ZFHX3: variants seen among roughly 807,000 people sequenced by gnomAD.
ZFHX3 encodes the protein zinc finger homeobox 3.
ZFHX3 carries 42 observed loss-of-function variants against 279.1 expected under a neutral mutation model. That is an observed-to-expected ratio of 0.15 (90% CI 0.12 to 0.19). The LOEUF is 0.19. Among genes scored for constraint, ZFHX3 ranks in the 10% least tolerant of loss-of-function variants. The pLI is 1.00. For synonymous variants in ZFHX3, 2,293 were observed against 1,957.8 expected, an observed-to-expected ratio of 1.17 and a Z score of -4.52; for missense variants, 4,981 against 4,754.0, an observed-to-expected ratio of 1.05 and a Z score of -1.40.
chr16:73,243,927 G>C (rs962513905), intron 5 of ZFHX3, among the ~76,000 whole-genome samples: 1 of 152,234 alleles, frequency 6.6e-6, no homozygotes, highest in Non-Finnish European at 1.5e-5. Context: ...TGGAGGTTCA[G>C]AGATGGTAGA....
chr16:73,725,574 G>A (rs2053512192), intron 1 of ZFHX3, among the ~76,000 whole-genome samples: 2 of 150,098 alleles, frequency 1.3e-5, no homozygotes, highest in South Asian at 2.1e-4. Context: ...TGTGTAGGCT[G>A]AGGGAGGAAT....
At chr16:73,042,032 A>T (rs928690861) in intron 1 of ZFHX3, among the ~76,000 whole-genome samples, 15 of 152,258 alleles carry the variant, frequency 9.9e-5, no homozygotes, top group African/African-American at 3.6e-4. Context: ...CATCAGAAAT[A>T]GGCCACTCAG....
intron 2 of ZFHX3, among the ~76,000 whole-genome samples, chr16:73,565,767 A>G (rs905160773): frequency 3.3e-5 from 5 of 152,106 alleles, no homozygotes; most frequent in Admixed American, 6.6e-5. Flanking sequence ...AGAATTCTCA[A>G]TAGGGCTTCC....
chr16:73,329,614 G>A (rs905590054), intron 3 of ZFHX3, among the ~76,000 whole-genome samples: 7 of 152,176 alleles, frequency 4.6e-5, no homozygotes, highest in African/African-American at 1.7e-4. Flanking sequence ...GTAATTGGTG[G>A]TGCATAAGCA....
At chr16:73,362,444 C>A (rs938484918) in intron 3 of ZFHX3, among the ~76,000 whole-genome samples, 1 of 152,172 alleles carries the variant, frequency 6.6e-6, no homozygotes, top group African/African-American at 2.4e-5. Context: ...CACCTTGGCA[C>A]CAGCTCACGG....
At chr16:73,715,308 G>T (rs1320317929) in intron 1 of ZFHX3, among the ~76,000 whole-genome samples, 1 of 152,118 alleles carries the variant, frequency 6.6e-6, no homozygotes, top group Non-Finnish European at 1.5e-5. Flanking sequence ...AATCAAGCAT[G>T]CTGGCATAGT....
At chr16:73,431,277 C>T (rs1030158896) in intron 3 of ZFHX3, among the ~76,000 whole-genome samples, 4 of 151,782 alleles carry the variant, frequency 2.6e-5, no homozygotes, top group Admixed American at 6.6e-5. Flanking sequence ...CGGTGGCTCA[C>T]GCCTGTAATC....
chr16:73,755,960 G>T (rs1281657107), intron 1 of ZFHX3, among the ~76,000 whole-genome samples: 1 of 152,164 alleles, frequency 6.6e-6, no homozygotes, highest in African/African-American at 2.4e-5. Flanking sequence ...GGTCCTGATA[G>T]CACATGCCAA....
At chr16:73,422,676 A>G (rs898368944) in intron 3 of ZFHX3, among the ~76,000 whole-genome samples, 12 of 152,100 alleles carry the variant, frequency 7.9e-5, no homozygotes, top group Non-Finnish European at 1.8e-4. Context: ...TTCCTCTCAA[A>G]TACTCATGTG....
intron 5 of ZFHX3, among the ~76,000 whole-genome samples, chr16:73,207,675 G>A (rs2011860070): frequency 6.6e-6 from 1 of 152,142 alleles, no homozygotes; most frequent in Non-Finnish European, 1.5e-5. Flanking sequence ...TTTGACATCA[G>A]TAAAAATCAG....
chr16:73,085,985 C>CAAAAA (rs57128744), intron 8 of ZFHX3, among the ~76,000 whole-genome samples: 171 of 53,346 alleles, frequency 3.2e-3, no homozygotes, highest in Middle Eastern at 0.011. Flanking sequence ...AACTCAATTG[C>CAAAAA]AAAAAAAAAA....
intron 1 of ZFHX3, among the ~76,000 whole-genome samples, chr16:72,996,921 T>C (rs1434028816): frequency 6.6e-6 from 1 of 152,186 alleles, no homozygotes; most frequent in Admixed American, 6.5e-5. Flanking sequence ...ACAACTGGTA[T>C]GGTCAACCCT....
chr16:73,499,038 A>C (rs948862100), intron 2 of ZFHX3, among the ~76,000 whole-genome samples: 7 of 152,216 alleles, frequency 4.6e-5, no homozygotes, highest in African/African-American at 1.4e-4. Context: ...GGTTGGACTC[A>C]TGGGCAAAAC....
intron 8 of ZFHX3, among the ~76,000 whole-genome samples, chr16:73,066,870 TC>T (rs1339964829): frequency 6.6e-6 from 1 of 151,940 alleles, no homozygotes; most frequent in African/African-American, 2.4e-5. Context: ...TGCGCCCTCC[TC>T]CCCCCAGCCC....
At chr16:72,811,175 G>T (rs926761008) in intron 7 of ZFHX3, among the ~76,000 whole-genome samples, 2 of 152,208 alleles carry the variant, frequency 1.3e-5, no homozygotes, top group African/African-American at 4.8e-5. Flanking sequence ...GTGAGCTAGT[G>T]TGCCTGGCTC....
chr16:72,800,690 AAAC>A (rs1456553286), intron 7 of ZFHX3, among the ~76,000 whole-genome samples: 1 of 152,188 alleles, frequency 6.6e-6, no homozygotes, highest in African/African-American at 2.4e-5. Context: ...TTTTCCAGGA[AAAC>A]AACATTTGTA....
At chr16:72,814,329 T>C (rs1360672756) in intron 5 of ZFHX3, among the ~76,000 whole-genome samples, 1 of 152,166 alleles carries the variant, frequency 6.6e-6, no homozygotes, top group Non-Finnish European at 1.5e-5. Flanking sequence ...GTAAATGCCC[T>C]CAATCTGCCT....
At chr16:73,015,424 C>CG (rs1567633716) in intron 1 of ZFHX3, 2 of 152,126 alleles carry the variant, frequency 1.3e-5, no homozygotes, top group Non-Finnish European at 2.9e-5. Flanking sequence ...CCTGGCCTAC[C>CG]GCATTTGAGA....
chr16:73,800,991 G>C (rs1329337776), intron 1 of ZFHX3, among the ~76,000 whole-genome samples: 8 of 152,144 alleles, frequency 5.3e-5, no homozygotes, highest in Non-Finnish European at 1.2e-4. Flanking sequence ...CCTCCCTTTA[G>C]AGTGCAATAA....
Sources: gnomAD v4.1 joint callset for allele counts (sites outside exome capture counted in the v4.1 genomes callset) on GRCh38, gnomAD v4.1.1 for gene constraint, MANE v1.5 for transcripts, NCBI Gene and HGNC (gene_info 2026-07-23, HGNC 2026-07-21) for gene names.